The following PRPH2 variants were observed in gnomAD, a reference collection of about 807,000 sequenced individuals.
PRPH2 encodes the protein peripherin-2.
In PRPH2, 17 loss-of-function variants were observed where a neutral mutation model predicts 31.3. That is an observed-to-expected ratio of 0.54 (90% confidence interval 0.37 to 0.81). PRPH2 has a LOEUF of 0.81. Ranked by LOEUF, PRPH2 falls within the 40% of genes least tolerant of loss-of-function variation. PRPH2 has a pLI of 0.00. For synonymous variants in PRPH2, 165 were observed against 184.4 expected, an observed-to-expected ratio of 0.89 and a Z score of 0.85; for missense variants, 430 against 439.7, an observed-to-expected ratio of 0.98 and a Z score of 0.20.
At chr6:42,701,991 A>T (rs944326920) in intron 2 of PRPH2, among the ~76,000 whole-genome samples, 2 of 152,098 alleles carry the variant, frequency 1.3e-5, no homozygotes, top group African/African-American at 4.8e-5. Context: ...CTGTAATCCC[A>T]GCACTTTAGG....
intron 1 of PRPH2, among the ~76,000 whole-genome samples, chr6:42,719,165 TCC>T (rs1041382342): frequency 8.6e-6 from 1 of 115,790 alleles, no homozygotes; most frequent in Non-Finnish European, 1.8e-5. Context: ...TCAGTGGACT[TCC>T]TTTTTTTTTT....
Position 42,698,004 on chromosome 6 carries a change from G to A in PRPH2, c.*291C>T, listed in dbSNP as rs897930005. ...GAGAAAGATGGGTCCTGGGCTAGTC[G>A]TCTGAGACAGCCCCCGAGTCACCAG... On this transcript the variant is annotated 3_prime_UTR_variant, in exon 3 of 3. Transcript: ENST00000230381. The A allele has an allele frequency of 3.1e-5, 14 of 450,750 alleles. No homozygotes were observed. The highest frequency in any genetic ancestry group is 5.9e-5 in the African/African-American group (3 of 50,628). The allele number at this position is 450,750 out of a possible 1,614,324, so 27.9% of individuals were successfully genotyped here. A position where few individuals can be genotyped will look rare whatever the true frequency, so the allele number is the denominator to read the frequency against.
intron 1 of PRPH2, among the ~76,000 whole-genome samples, chr6:42,716,111 G>A (rs1287585459): frequency 6.6e-6 from 1 of 152,194 alleles, no homozygotes; most frequent in Non-Finnish European, 1.5e-5. Flanking sequence ...GTCAGAGGAG[G>A]ATCCCTGTGG....
At chr6:42,711,984 C>T (rs1368145160) in intron 1 of PRPH2, 38 of 984,886 alleles carry the variant, frequency 3.9e-5, no homozygotes, top group Admixed American at 6.1e-5. Flanking sequence ...TCATGTCCTT[C>T]CTCATGTGCT....
At chr6:42,699,247 G>A (rs573734891) in intron 2 of PRPH2, among the ~76,000 whole-genome samples, 1 of 151,750 alleles carries the variant, frequency 6.6e-6, no homozygotes, top group East Asian at 1.9e-4. Context: ...TGTTATTGTT[G>A]TAGATATGTG....
intron 1 of PRPH2, among the ~76,000 whole-genome samples, chr6:42,714,319 G>A (rs148711908): frequency 1.3e-5 from 2 of 152,240 alleles, no homozygotes; most frequent in East Asian, 3.9e-4. Flanking sequence ...GAAAGTAAAC[G>A]AGTGGTTACT....
intron 1 of PRPH2, among the ~76,000 whole-genome samples, chr6:42,709,529 CT>C (rs1391451551): frequency 2.0e-5 from 3 of 152,238 alleles, no homozygotes; most frequent in African/African-American, 7.2e-5. Context: ...ATAAATGCCC[CT>C]GCCTTCCTCG....
rs761275918 is a variant in PRPH2, at chr6:42,721,867, G to C, written c.468C>G (p.Ile156Met). ...ATTTGAACTCGATCTGCAGCATGTC[G>C]ATGGTCTTCTTCATGAAACACCTGC... The part of the protein sequence containing the change: ...TPGRCFMKKT[I>M]DMLQIEFKCC... The change falls in exon 1 of 3, where the codon ATC becomes ATG. Residue 156 changes from isoleucine (I) to methionine (M), a missense_variant. Ile to Met is a conservative substitution (Grantham distance 10). Coordinates refer to ENST00000230381, the MANE Select transcript of PRPH2 (RefSeq NM_000322.5). 3.1e-6 allele frequency: 5 copies of C among 1,614,056 alleles called. No homozygotes were observed. Among genetic ancestry groups the C allele is most frequent in the East Asian group, 4.5e-5 (2 of 44,898 alleles).
intron 1 of PRPH2, 90 bp downstream of exon 1, chr6:42,721,664 T>C: frequency 6.8e-7 from 1 of 1,466,000 alleles, no homozygotes; most frequent in Non-Finnish European, 9.5e-7. Flanking sequence ...GAAAAGGCAC[T>C]GGGTGCGGGG....
intron 1 of PRPH2, among the ~76,000 whole-genome samples, chr6:42,706,040 G>A (rs1240956599): frequency 6.6e-6 from 1 of 151,986 alleles, no homozygotes; most frequent in African/African-American, 2.4e-5. Flanking sequence ...GGAGGCCCAG[G>A]TGGGCAGACG....
At chr6:42,706,803 C>T (rs939349110) in intron 1 of PRPH2, among the ~76,000 whole-genome samples, 1 of 152,186 alleles carries the variant, frequency 6.6e-6, no homozygotes, top group African/African-American at 2.4e-5. Flanking sequence ...CTCCTCATCT[C>T]TCAGCCTCCA....
intron 1 of PRPH2, among the ~76,000 whole-genome samples, chr6:42,709,348 A>C (rs1582769635): frequency 2.0e-5 from 3 of 148,632 alleles, no homozygotes; most frequent in Non-Finnish European, 4.5e-5. Context: ...AAAAAAAAAA[A>C]AAAAAAACTT....
At chr6:42,712,951 A>C (rs1761698644) in intron 1 of PRPH2, among the ~76,000 whole-genome samples, 1 of 151,908 alleles carries the variant, frequency 6.6e-6, no homozygotes, top group Admixed American at 6.6e-5. Flanking sequence ...CAGGCCTGGC[A>C]CAGTGGCTCA....
At chr6:42,716,415 G>T (rs1227644475) in intron 1 of PRPH2, among the ~76,000 whole-genome samples, 1 of 149,980 alleles carries the variant, frequency 6.7e-6, no homozygotes, top group Non-Finnish European at 1.5e-5. Flanking sequence ...TTTAAGAAAA[G>T]AATTTTTTTT....
chr6:42,707,253 G>C (rs186438346), intron 1 of PRPH2, among the ~76,000 whole-genome samples: 118 of 152,220 alleles, frequency 7.8e-4, no homozygotes, highest in Middle Eastern at 3.4e-3. Flanking sequence ...TTGTTAATGA[G>C]CTGCATGGTA....
Position 42,711,210 on chromosome 6 carries a change from G to C in PRPH2, c.582-6599C>G, listed in dbSNP as rs145122825. Among the ~76,000 whole-genome samples the C allele has an allele frequency of 7.4e-4, 113 of 152,314 alleles. 2 individuals are homozygous for C. Among genetic ancestry groups the C allele is most frequent in the Admixed American group, 5.6e-3 (86 of 15,300 alleles). On this transcript the variant is annotated intron_variant, in intron 1 of 2. Transcript: ENST00000230381. ...CATTATCATGGGAGTGGGTTCCTGA[G>C]GAAAAGGATGAAATCGGGCCCCTCA... is the stretch of plus-strand genomic sequence containing the variant.
At chr6:42,701,889 G>A (rs1412787408) in intron 2 of PRPH2, among the ~76,000 whole-genome samples, 8 of 152,020 alleles carry the variant, frequency 5.3e-5, no homozygotes, top group African/African-American at 1.7e-4. Flanking sequence ...AAGACTCTGT[G>A]TCAAGGAGTC....
At chr6:42,700,643 C>T (rs1264239854) in intron 2 of PRPH2, among the ~76,000 whole-genome samples, 1 of 152,220 alleles carries the variant, frequency 6.6e-6, no homozygotes, top group Admixed American at 6.5e-5. Flanking sequence ...GATGTGAACG[C>T]GTCCACTCTG....
At chr6:42,705,586 AAAAAAAAAAAAAAATATATATATAT>A (rs1348951006) in intron 1 of PRPH2, among the ~76,000 whole-genome samples, 125 of 11,128 alleles carry the variant, frequency 0.011, 7 homozygotes, top group African/African-American at 0.036. Context: ...AAAAAAAAAA[AAAAAAAAAAAAAAATATATATATAT>A]ATATATATAT....
Sources: gnomAD v4.1 joint callset for allele counts (sites outside exome capture counted in the v4.1 genomes callset) on GRCh38, gnomAD v4.1.1 for gene constraint, MANE v1.5 for transcripts, NCBI Gene and HGNC (gene_info 2026-07-23, HGNC 2026-07-21) for gene names.